Variants in CHST8 observed in about 807,000 individuals in gnomAD.
CHST8 encodes GALNAC-4-ST1.
In CHST8, 10 loss-of-function variants were observed where a neutral mutation model predicts 15.0. The ratio of observed to expected loss-of-function variants is 0.67; its 90% confidence interval spans 0.41 to 1.13. The LOEUF (loss-of-function observed/expected upper bound fraction) is 1.13. Ranked by LOEUF, CHST8 falls within the 50% of genes most tolerant of loss-of-function variation. The pLI is 0.00. For missense variants in CHST8, 634 were observed against 608.2 expected (o/e 1.04, Z -0.45); for synonymous variants, 259 against 256.6 (o/e 1.01, Z -0.09).
chr19:33,769,062 G>A (rs1599644522), intron 3 of CHST8, among the ~76,000 whole-genome samples: 1 of 152,346 alleles, frequency 6.6e-6, no homozygotes, highest in East Asian at 1.9e-4. Context: ...GAGTGGGACA[G>A]CCCCAGAAGC....
chr19:33,758,489 A>C (rs1253735060), intron 3 of CHST8, among the ~76,000 whole-genome samples: 3 of 152,210 alleles, frequency 2.0e-5, no homozygotes, highest in Non-Finnish European at 4.4e-5. Flanking sequence ...AAGAAGCATC[A>C]CTTAAGACAG....
At chr19:33,751,501 G>C (rs951471643) in intron 3 of CHST8, among the ~76,000 whole-genome samples, 1 of 152,198 alleles carries the variant, frequency 6.6e-6, no homozygotes, top group Admixed American at 6.5e-5. Context: ...GTCTCCCCAG[G>C]GACCCAGTGT....
At chr19:33,722,564 G>T (rs560112087) in intron 3 of CHST8, among the ~76,000 whole-genome samples, 1 of 152,284 alleles carries the variant, frequency 6.6e-6, no homozygotes, top group East Asian at 1.9e-4. Flanking sequence ...TTGTCATCAG[G>T]CTGCCTCTGG....
In CHST8 at chr19:33,689,194, C is replaced by T; in HGVS notation, c.-68C>T. On this transcript the variant is annotated 5_prime_UTR_variant, in exon 3 of 5. Transcript: ENST00000650847. ...CCCGTAGATCTCGGCCTGATGGACG[C>T]CTGGTGTGGACGATGAGGGAAGAAC... The T allele has an allele frequency of 3.4e-6, 5 of 1,459,748 alleles. No individual in the cohort carries two copies. The highest frequency in any genetic ancestry group is 4.5e-6 in the Non-Finnish European group (5 of 1,105,504). The allele number at this position is 1,459,748 out of a possible 1,614,324, so 90.4% of individuals were successfully genotyped here. A position where few individuals can be genotyped will look rare whatever the true frequency, so the allele number is the denominator to read the frequency against.
chr19:33,712,056 G>T (rs1362568728), intron 3 of CHST8, among the ~76,000 whole-genome samples: 1 of 152,166 alleles, frequency 6.6e-6, no homozygotes, highest in Non-Finnish European at 1.5e-5. Context: ...ATGTTGTTAG[G>T]GAAGACAATA....
At position 33,711,757 on chromosome 19, in the gene CHST8, G is replaced by A. The variant is rs144994605; in HGVS notation, c.130+22366G>A. 1.5e-3 allele frequency among the ~76,000 whole-genome samples: 229 copies of A among 152,126 alleles called. 1 individual carries two copies. Among genetic ancestry groups the A allele is most frequent in the African/African-American group, 5.4e-3 (223 of 41,502 alleles). On this transcript the variant is annotated intron_variant, in intron 3 of 4. Coordinates refer to ENST00000650847, the MANE Select transcript of CHST8 (RefSeq NM_001127895.2). ...AGCAATTATCGTGCCTCAGCCTCCCGAGTACCTGGGATTATAGGTGCACGC... is the reference window on the plus strand; with the variant it reads ...AGCAATTATCGTGCCTCAGCCTCCCAAGTACCTGGGATTATAGGTGCACGC...
intron 1 of CHST8, among the ~76,000 whole-genome samples, chr19:33,648,186 CCT>C (rs145138620): frequency 6.7e-6 from 1 of 149,622 alleles, no homozygotes; most frequent in African/African-American, 2.4e-5. Context: ...GTCTGGAAGT[CCT>C]CTCTCTCTCT....
intron 3 of CHST8, among the ~76,000 whole-genome samples, chr19:33,714,705 C>T (rs550127462): frequency 2.0e-5 from 3 of 152,104 alleles, no homozygotes; most frequent in Admixed American, 1.3e-4. Flanking sequence ...GGGAGTGGGT[C>T]TTTCCTGTGC....
At chr19:33,690,053 C>T (rs1006568818) in intron 3 of CHST8, among the ~76,000 whole-genome samples, 3 of 152,212 alleles carry the variant, frequency 2.0e-5, no homozygotes, top group Non-Finnish European at 4.4e-5. Flanking sequence ...TGCCGGGACA[C>T]GGTCCCCATC....
chr19:33,692,828 C>T (rs1753445490), intron 3 of CHST8, among the ~76,000 whole-genome samples: 1 of 152,106 alleles, frequency 6.6e-6, no homozygotes, highest in African/African-American at 2.4e-5. Context: ...ATTTGGAACA[C>T]ATGCAGTAGT....
chr19:33,692,544 T>A (rs1186281010), intron 3 of CHST8, among the ~76,000 whole-genome samples: 1 of 151,914 alleles, frequency 6.6e-6, no homozygotes, highest in African/African-American at 2.4e-5. Flanking sequence ...CAAAAAAAAA[T>A]AAATAAAATT....
intron 2 of CHST8, among the ~76,000 whole-genome samples, chr19:33,668,106 G>A (rs902537611): frequency 6.6e-5 from 10 of 152,132 alleles, no homozygotes; most frequent in Non-Finnish European, 1.3e-4. Flanking sequence ...CTCGGTTTTC[G>A]ATTGTCTCTG....
At position 33,721,907 on chromosome 19, in the gene CHST8, G is replaced by GGATGGATGGACA. The variant is rs1423563049; in HGVS notation, c.130+32539_130+32550dup. ...TGGGTGAGTGGGTAGATGGATGGAT[G>GGATGGATGGACA]GATGGATGGACAGATGGATGGACAG... On this transcript the variant is annotated intron_variant, in intron 3 of 4. Transcript: ENST00000650847. Among the ~76,000 whole-genome samples the GGATGGATGGACA allele has an allele frequency of 1.8e-4, 27 of 151,088 alleles. No homozygotes were observed. In the South Asian group the frequency reaches 5.5e-3, roughly 31 times the overall value.
intron 3 of CHST8, among the ~76,000 whole-genome samples, chr19:33,743,502 C>T (rs1189351650): frequency 2.0e-5 from 3 of 151,900 alleles, no homozygotes; most frequent in Admixed American, 6.6e-5. Flanking sequence ...GGGATTTCAC[C>T]GTGTTAGCCA....
intron 3 of CHST8, among the ~76,000 whole-genome samples, chr19:33,757,742 T>C (rs908047170): frequency 2.9e-4 from 44 of 151,586 alleles, no homozygotes; most frequent in African/African-American, 1.1e-3. Context: ...AGAGATGGGA[T>C]CTCACTATGT....
chr19:33,703,012 C>T (rs1973374631), intron 3 of CHST8, among the ~76,000 whole-genome samples: 1 of 152,212 alleles, frequency 6.6e-6, no homozygotes, highest in South Asian at 2.1e-4. Context: ...CACCTCTGTT[C>T]CCATTCACTG....
At chr19:33,666,827 C>G (rs563642617) in intron 1 of CHST8, among the ~76,000 whole-genome samples, 2 of 152,132 alleles carry the variant, frequency 1.3e-5, no homozygotes, top group Non-Finnish European at 2.9e-5. Context: ...CTCAGCCTCC[C>G]GCGTAGCTGG....
intron 1 of CHST8, among the ~76,000 whole-genome samples, chr19:33,635,492 C>T (rs1009151027): frequency 6.6e-6 from 1 of 152,116 alleles, no homozygotes; most frequent in Non-Finnish European, 1.5e-5. Context: ...GTAATGCCAG[C>T]TCTTTGGGAG....
At chr19:33,678,132 ACT>A (rs748197253) in intron 2 of CHST8, among the ~76,000 whole-genome samples, 92 of 151,932 alleles carry the variant, frequency 6.1e-4, no homozygotes, top group Non-Finnish European at 9.3e-4. Flanking sequence ...GCTTTCCAAC[ACT>A]CTGTGGGGAA....
Sources: allele counts gnomAD v4.1 joint callset (sites outside exome capture counted in the v4.1 genomes callset), GRCh38; gene constraint gnomAD v4.1.1; transcripts MANE v1.5; gene names NCBI Gene and HGNC (gene_info 2026-07-23, HGNC 2026-07-21).